The following SUN5 variants were observed in gnomAD, a reference collection of about 807,000 sequenced individuals.
The protein encoded by SUN5 is SUN domain-containing protein 5.
Under a neutral mutation model 53.7 loss-of-function variants are expected in SUN5, and 44 were observed. That is an observed-to-expected ratio of 0.82 (90% confidence interval 0.64 to 1.05). The LOEUF is 1.05. SUN5 is among the 50% of genes least tolerant of loss of function. SUN5 has a pLI of 0.00. For missense variants in SUN5, 433 were observed against 483.8 expected (o/e 0.90, Z 0.98); for synonymous variants, 166 against 179.8 (o/e 0.92, Z 0.62).
intron 5 of SUN5, chr20:32,999,729 C>G: frequency 1.7e-6 from 1 of 577,800 alleles, no homozygotes. Context: ...CACTCCAAAG[C>G]CAGTATATGT....
At chr20:32,996,458 C>T in intron 6 of SUN5, 100 bp from the exon 7 acceptor site, 1 of 1,065,384 alleles carries the variant, frequency 9.4e-7, no homozygotes, top group Non-Finnish European at 1.4e-6. Context: ...TAAACCCATA[C>T]ATTCATCCAC....
chr20:32,996,384 G>A (rs778359793), intron 6 of SUN5, 26 bp from the exon 7 acceptor site: 13 of 1,607,738 alleles, frequency 8.1e-6, no homozygotes, highest in Admixed American at 5.0e-5. Context: ...GAAAGTAAGG[G>A]GTCTCCTTCA....
intron 7 of SUN5, 46 bp downstream of exon 7, chr20:32,996,278 T>C (rs771204561): frequency 6.2e-7 from 1 of 1,602,418 alleles, no homozygotes; most frequent in Non-Finnish European, 8.5e-7. Context: ...TGGCTATAGC[T>C]CTGCTTTTTA....
intron 10 of SUN5, among the ~76,000 whole-genome samples, chr20:32,986,322 G>C (rs143123262): frequency 6.6e-6 from 1 of 152,322 alleles, no homozygotes; most frequent in Non-Finnish European, 1.5e-5. Flanking sequence ...GACTGGTCCA[G>C]GGCCATGCAG....
intron 4 of SUN5, 52 bp downstream of exon 4, chr20:33,001,160 C>A: frequency 1.3e-6 from 2 of 1,543,314 alleles, no homozygotes; most frequent in Non-Finnish European, 1.8e-6. Context: ...TTATGGTCCC[C>A]AGCTGCCATT....
intron 6 of SUN5, 40 bp from the exon 7 acceptor site, chr20:32,996,398 G>C: frequency 6.4e-7 from 1 of 1,572,014 alleles, no homozygotes; most frequent in Non-Finnish European, 8.7e-7. Context: ...TCCTTCAGAT[G>C]GCTTAATCTG....
In SUN5 at chr20:32,985,829, C is replaced by T; in HGVS notation, c.804G>A (p.Lys268=). 3 of 1,614,126 alleles carry T rather than the reference C, an allele frequency of 1.9e-6. No individual in the cohort carries two copies. Among genetic ancestry groups the T allele is most frequent in the Non-Finnish European group, 2.5e-6 (3 of 1,179,972 alleles). Residue 268 remains lysine, a synonymous_variant, in exon 11 of 13, where the codon AAG becomes AAA. Coordinates refer to ENST00000356173, the MANE Select transcript of SUN5 (RefSeq NM_080675.4). ...RGQVTIQLAQ[K]VYLSNLTLQH... ...GCAGCGTGAGGTTGGACAGGTAAAC[C>T]TTCTGAGCCAATTGGATGGTCACCT...
In SUN5 at chr20:32,989,577, G is replaced by GTCA. The variant is rs773074805; in HGVS notation, c.613+42_613+43insTGA. On this transcript the variant is annotated intron_variant, in intron 9 of 12. Transcript: ENST00000356173. ...AACCCACCCTGTGTACAGCTTCCCA[G>GTCA]GACACTTGAGGCAGTCAGATGGTGG... The GTCA allele has an allele frequency of 3.0e-5, 47 of 1,574,530 alleles. No individual in the cohort carries two copies. The African/African-American group carries it at 4.3e-4, about 14-fold the overall frequency.
intron 1 of SUN5, among the ~76,000 whole-genome samples, 157 bp downstream of exon 1, chr20:33,004,107 G>A (rs1427296699): frequency 6.6e-6 from 1 of 152,080 alleles, no homozygotes; most frequent in Non-Finnish European, 1.5e-5. Flanking sequence ...TTCCTGGCTG[G>A]GAGACTTTGG....
At chr20:33,001,409 TG>T in intron 3 of SUN5, 131 bp from the exon 4 acceptor site, 4 of 992,848 alleles carry the variant, frequency 4.0e-6, no homozygotes, top group African/African-American at 3.2e-5. Context: ...TGGCCGAGCC[TG>T]GGACAGAACC....
chr20:32,993,373 G>A (rs1481597422), intron 8 of SUN5, among the ~76,000 whole-genome samples: 1 of 152,168 alleles, frequency 6.6e-6, no homozygotes, highest in African/African-American at 2.4e-5. Context: ...AATCTCTGGG[G>A]GTATTTGACG....
At chr20:32,994,142 G>T (rs1989779043) in intron 8 of SUN5, among the ~76,000 whole-genome samples, 1 of 152,208 alleles carries the variant, frequency 6.6e-6, no homozygotes, top group African/African-American at 2.4e-5. Flanking sequence ...ATGGGAAGGA[G>T]TCTAAAGAGT....
intron 9 of SUN5, among the ~76,000 whole-genome samples, chr20:32,989,312 T>G (rs1989642257): frequency 6.6e-6 from 1 of 151,916 alleles, no homozygotes; most frequent in Non-Finnish European, 1.5e-5. Flanking sequence ...GAGTGGTGGG[T>G]GGGGGTGGTG....
intron 5 of SUN5, among the ~76,000 whole-genome samples, chr20:32,998,566 A>G (rs1989914007): frequency 6.6e-6 from 1 of 152,222 alleles, no homozygotes. Flanking sequence ...ACTCCTCACC[A>G]TGATAAAGAC....
Position 32,989,848 on chromosome 20 carries a change from G to C in SUN5, c.535-150C>G, listed in dbSNP as rs1224425102. The C allele has an allele frequency of 1.7e-5, 12 of 689,564 alleles. 1 individual carries two copies. Among genetic ancestry groups the C allele is most frequent in the Non-Finnish European group, 1.0e-5 (4 of 398,206 alleles). The allele number at this position is 689,564 out of a possible 1,614,324, so 42.7% of individuals were successfully genotyped here. ...TGTGGAAGCCTGTGGCTCTGTGAAAGCCCAGGTGACACAAAGCCATCCTGA... is the reference window on the plus strand; with the variant it reads ...TGTGGAAGCCTGTGGCTCTGTGAAACCCCAGGTGACACAAAGCCATCCTGA... On this transcript the variant is annotated intron_variant, in intron 8 of 12. Transcript: ENST00000356173.
intron 8 of SUN5, among the ~76,000 whole-genome samples, chr20:32,992,619 A>T (rs1453848974): frequency 6.6e-6 from 1 of 152,180 alleles, no homozygotes; most frequent in East Asian, 1.9e-4. Flanking sequence ...TTAAAATTAG[A>T]CATTTTTGTT....
At position 32,983,892 on chromosome 20, in the gene SUN5, TC is replaced by T; in HGVS notation, c.1041del (p.Asn348ThrfsTer?). 6.3e-7 allele frequency: 1 copy of T among 1,598,950 alleles called. No individual in the cohort carries two copies. Among genetic ancestry groups the T allele is most frequent in the Non-Finnish European group, 8.5e-7 (1 of 1,172,704 alleles). ...CGGTACAGGCAAGTGAAGCCTGGGT[TC>T]CCCCAGTTGCTTGAGATCTTCACCT... ...AVKVKISSNW[G>X]NPGFTCLYRV... On this transcript the variant is annotated frameshift_variant, in exon 13 of 13. Coordinates refer to ENST00000356173, the MANE Select transcript of SUN5 (RefSeq NM_080675.4). LOFTEE classifies it low-confidence loss of function (END_TRUNC).
chr20:32,987,906 A>C, intron 9 of SUN5, 131 bp from the exon 10 acceptor site: 1 of 634,786 alleles, frequency 1.6e-6, no homozygotes, highest in Non-Finnish European at 2.8e-6. Flanking sequence ...TCCTCTAGGA[A>C]ATGTGATTAC....
chr20:32,996,202 T>A, intron 7 of SUN5, 122 bp downstream of exon 7: 5 of 953,008 alleles, frequency 5.2e-6, no homozygotes, highest in Non-Finnish European at 7.9e-6. Flanking sequence ...GGCATGGGAG[T>A]TAGGATTTAA....
Sources: allele counts gnomAD v4.1 joint callset (sites outside exome capture counted in the v4.1 genomes callset), GRCh38; gene constraint gnomAD v4.1.1; transcripts MANE v1.5; gene names NCBI Gene and HGNC (gene_info 2026-07-23, HGNC 2026-07-21).